The following TNIK variants were observed in gnomAD, a reference collection of about 807,000 sequenced individuals.
TNIK encodes TRAF2 and NCK interacting kinase.
TNIK carries 49 observed loss-of-function variants against 191.3 expected under a neutral mutation model. The observed-to-expected ratio is 0.26, with a 90% CI of 0.20 to 0.32. The LOEUF is 0.32. Ranked by LOEUF, TNIK falls within the 10% of genes least tolerant of loss-of-function variation. The pLI is 1.00. For missense variants in TNIK, 1,155 were observed against 1,702.3 expected, an observed-to-expected ratio of 0.68 and a Z score of 5.66; for synonymous variants, 594 against 600.9, an observed-to-expected ratio of 0.99 and a Z score of 0.17.
At chr3:171,107,905 T>C (rs1725181615) in intron 20 of TNIK, 160 bp downstream of exon 20, 1 of 625,482 alleles carries the variant, frequency 1.6e-6, no homozygotes, top group Non-Finnish European at 2.6e-6. Flanking sequence ...TCTTCGGTTC[T>C]TTCCTAATCA....
chr3:171,121,116 C>G (rs1166178834), intron 18 of TNIK, among the ~76,000 whole-genome samples: 4 of 152,164 alleles, frequency 2.6e-5, no homozygotes, highest in Non-Finnish European at 5.9e-5. Flanking sequence ...CCTTGGGAAT[C>G]ACTTCAAAGA....
At chr3:171,362,157 G>A (rs1715077519) in intron 2 of TNIK, among the ~76,000 whole-genome samples, 1 of 152,154 alleles carries the variant, frequency 6.6e-6, no homozygotes, top group Admixed American at 6.5e-5. Context: ...AAGTTCCACA[G>A]TGCTGCAACT....
chr3:171,081,460 A>G (rs1720667218), intron 27 of TNIK, among the ~76,000 whole-genome samples: 1 of 148,328 alleles, frequency 6.7e-6, no homozygotes, highest in Admixed American at 6.8e-5. Context: ...CCTAAACCCC[A>G]CCCCCAGAGA....
chr3:171,335,157 C>G (rs923984737), intron 2 of TNIK, among the ~76,000 whole-genome samples: 1 of 152,126 alleles, frequency 6.6e-6, no homozygotes, highest in African/African-American at 2.4e-5. Context: ...TCATTTTATT[C>G]ATATTTCTAT....
intron 3 of TNIK, among the ~76,000 whole-genome samples, chr3:171,211,549 C>T (rs1442567108): frequency 6.6e-6 from 1 of 152,184 alleles, no homozygotes; most frequent in Non-Finnish European, 1.5e-5. Context: ...AGAAAATTCA[C>T]TGTAGGCCTC....
At chr3:171,456,823 A>G (rs1199643741) in intron 1 of TNIK, among the ~76,000 whole-genome samples, 1 of 152,252 alleles carries the variant, frequency 6.6e-6, no homozygotes, top group Non-Finnish European at 1.5e-5. Context: ...CAGAAAATGT[A>G]TTATTGATTT....
intron 2 of TNIK, among the ~76,000 whole-genome samples, chr3:171,241,260 C>T (rs1045265141): frequency 1.3e-5 from 2 of 152,004 alleles, no homozygotes; most frequent in Non-Finnish European, 2.9e-5. Context: ...AAACTCCCGA[C>T]CTCAGGTGAT....
chr3:171,347,208 T>C, intron 2 of TNIK: 1 of 1,517,692 alleles, frequency 6.6e-7, no homozygotes, highest in Non-Finnish European at 8.8e-7. Context: ...CTTCACTCAC[T>C]GGTTCATTTG....
chr3:171,442,185 G>A (rs1307157453), intron 1 of TNIK, among the ~76,000 whole-genome samples: 2 of 152,158 alleles, frequency 1.3e-5, no homozygotes, highest in African/African-American at 2.4e-5. Flanking sequence ...ACTTATAGAA[G>A]GCAGCAGCCA....
chr3:171,170,777 G>A (rs1040898507), intron 9 of TNIK, among the ~76,000 whole-genome samples: 3 of 152,184 alleles, frequency 2.0e-5, no homozygotes, highest in Non-Finnish European at 4.4e-5. Flanking sequence ...CTGGCCAGGT[G>A]CGGTAGTTCA....
chr3:171,302,399 T>C (rs183701648), intron 2 of TNIK, among the ~76,000 whole-genome samples: 2 of 152,204 alleles, frequency 1.3e-5, no homozygotes, highest in African/African-American at 4.8e-5. Flanking sequence ...AACTTCTCAC[T>C]TGTTATATAG....
chr3:171,333,326 T>C (rs1207308022), intron 2 of TNIK, among the ~76,000 whole-genome samples: 2 of 151,768 alleles, frequency 1.3e-5, no homozygotes, highest in African/African-American at 4.8e-5. Context: ...TAGGCTGAGG[T>C]GGGCAGATCA....
At chr3:171,211,345 T>A in intron 3 of TNIK, 104 bp from the exon 4 acceptor site, 1 of 1,311,208 alleles carries the variant, frequency 7.6e-7, no homozygotes, top group Non-Finnish European at 1.0e-6. Context: ...TTCTTCCTTG[T>A]TGACAAATGA....
intron 2 of TNIK, among the ~76,000 whole-genome samples, chr3:171,297,258 T>C (rs1752395325): frequency 1.3e-5 from 2 of 152,180 alleles, no homozygotes; most frequent in African/African-American, 2.4e-5. Context: ...TTCTCCCCCA[T>C]TGACTCTTCA....
chr3:171,184,461 C>T (rs1297677392), intron 7 of TNIK, among the ~76,000 whole-genome samples: 1 of 152,140 alleles, frequency 6.6e-6, no homozygotes, highest in Non-Finnish European at 1.5e-5. Flanking sequence ...GTACTGGCTG[C>T]GTTTCACTAA....
At chr3:171,089,736 A>G (rs951579093) in intron 23 of TNIK, among the ~76,000 whole-genome samples, 6 of 152,232 alleles carry the variant, frequency 3.9e-5, no homozygotes, top group African/African-American at 1.2e-4. Context: ...TAAGAACCTC[A>G]TTAACAGAAC....
intron 4 of TNIK, among the ~76,000 whole-genome samples, chr3:171,205,087 T>G (rs1739890686): frequency 6.6e-6 from 1 of 152,216 alleles, no homozygotes; most frequent in Non-Finnish European, 1.5e-5. Flanking sequence ...CCTACCATTG[T>G]TCTTATTAAC....
chr3:171,340,078 G>A (rs1021387233), intron 2 of TNIK, among the ~76,000 whole-genome samples: 6 of 151,980 alleles, frequency 3.9e-5, no homozygotes, highest in East Asian at 1.9e-4. Context: ...AATCTACTTC[G>A]ATTCTACCAT....
At chr3:171,327,714 G>T (rs757388588) in intron 2 of TNIK, among the ~76,000 whole-genome samples, 1 of 151,634 alleles carries the variant, frequency 6.6e-6, no homozygotes, top group African/African-American at 2.4e-5. Flanking sequence ...AGCAAAGGGG[G>T]GTGTGTAATG....
Sources: allele counts gnomAD v4.1 joint callset (sites outside exome capture counted in the v4.1 genomes callset), GRCh38; gene constraint gnomAD v4.1.1; transcripts MANE v1.5; gene names NCBI Gene and HGNC (gene_info 2026-07-23, HGNC 2026-07-21).